Variants in PRRC2A observed in about 807,000 individuals in gnomAD.
The protein encoded by PRRC2A is protein PRRC2A.
In PRRC2A, 59 loss-of-function variants were observed where a neutral mutation model predicts 224.6. The ratio of observed to expected loss-of-function variants is 0.26; its 90% CI spans 0.21 to 0.33. The LOEUF (loss-of-function observed/expected upper bound fraction) is 0.33. Among genes scored for constraint, PRRC2A ranks in the 10% least tolerant of loss-of-function variants. The pLI, the probability that PRRC2A is intolerant of heterozygous loss-of-function variation, is 1.00. For synonymous variants in PRRC2A, 1,194 were observed against 1,109.5 expected (o/e 1.08, Z -1.51); for missense variants, 3,095 against 2,880.7 (o/e 1.07, Z -1.70).
intron 13 of PRRC2A, 78 bp downstream of exon 13, chr6:31,629,412 T>C: frequency 6.6e-7 from 1 of 1,506,028 alleles, no homozygotes; most frequent in Non-Finnish European, 9.0e-7. Flanking sequence ...TAAGTTACCT[T>C]CTGGGTCCCT....
rs1212318218 is a variant in PRRC2A, at chr6:31,629,163, A to G, written c.1785A>G (p.Ser595=). The change falls in exon 13 of 31, where the codon TCA becomes TCG. Residue 595 remains serine (S), a synonymous_variant. Coordinates refer to ENST00000376033, the MANE Select transcript of PRRC2A (RefSeq NM_004638.4). ...ATGCAGTGGAACCACAACTGCCCTC[A>G]AAAGAGGGTCCTGAACCACCAGAAG... The part of the protein sequence containing the change: ...EASPVEPQLP[S]KEGPEPPEEV... The G allele has an allele frequency of 6.2e-7, 1 of 1,614,070 alleles. No homozygotes were observed.
intron 5 of PRRC2A, chr6:31,624,803 C>CTT (rs35868191): frequency 0.011 from 4,902 of 452,628 alleles, no homozygotes; most frequent in East Asian, 0.023. Context: ...GAGCCTTCCA[C>CTT]TTTTTTTTTT....
intron 22 of PRRC2A, 27 bp downstream of exon 22, chr6:31,635,299 C>G: frequency 6.2e-7 from 1 of 1,613,742 alleles, no homozygotes; most frequent in Non-Finnish European, 8.5e-7. Flanking sequence ...TCTGGGTATC[C>G]TGAGTTGGGT....
chr6:31,626,013 T>C lies in PRRC2A; in HGVS notation c.840-7T>C, dbSNP rs1278470901. The C allele has an allele frequency of 3.1e-6, 5 of 1,611,226 alleles. No individual in the cohort carries two copies. The highest frequency in any genetic ancestry group is 1.7e-6 in the Non-Finnish European group (2 of 1,179,252). Reference sequence around the variant, plus strand: ...ATGCCATATTTCATTTTCTTTTTTGTGTACAGCCGTTTTCCCCGTGTGGCG... The same window carrying C: ...ATGCCATATTTCATTTTCTTTTTTGCGTACAGCCGTTTTCCCCGTGTGGCG... On this transcript the variant is annotated splice_region_variant and splice_polypyrimidine_tract_variant and intron_variant, in intron 8 of 30. Transcript: ENST00000376033.
At chr6:31,634,683 T>TA in intron 20 of PRRC2A, 70 bp from the exon 21 acceptor site, 1 of 1,564,878 alleles carries the variant, frequency 6.4e-7, no homozygotes, top group South Asian at 1.1e-5. Flanking sequence ...GCAGTTTGTA[T>TA]GTGTGCATCA....
At chr6:31,633,355 G>T in intron 16 of PRRC2A, 24 bp from the exon 17 acceptor site, 1 of 1,604,412 alleles carries the variant, frequency 6.2e-7, no homozygotes, top group South Asian at 1.1e-5. Flanking sequence ...GTGGATACTG[G>T]AGCTAATGCT....
intron 12 of PRRC2A, among the ~76,000 whole-genome samples, chr6:31,628,471 A>G (rs1232548344): frequency 6.6e-5 from 10 of 152,190 alleles, no homozygotes; most frequent in Non-Finnish European, 1.2e-4. Context: ...GCTCACGCCT[A>G]TAATCCCAAC....
Position 31,623,919 on chromosome 6 carries a change from G to T in PRRC2A, c.290+10G>T. ...AGTCCGACCCCAAGAGGTAGACAGA[G>T]GCTTGGGGGACCTAGAGTGATGGGT... is the stretch of plus-strand genomic sequence containing the variant. On this transcript the variant is annotated intron_variant, in intron 3 of 30. Coordinates refer to ENST00000376033, the MANE Select transcript of PRRC2A (RefSeq NM_004638.4). The T allele has an allele frequency of 6.2e-7, 1 of 1,613,688 alleles. No individual in the cohort carries two copies. The highest frequency in any genetic ancestry group is 8.5e-7 in the Non-Finnish European group (1 of 1,179,680).
rs1583209593 is a variant in PRRC2A at position 31,630,933 on chromosome 6, G to C, written c.2465+132G>C. ...AGGCTGGATGGAGTGGCTCATGCCTGTAATCCCAGCATTTTGGGAGGCTGA... is the reference window on the plus strand; with the variant it reads ...AGGCTGGATGGAGTGGCTCATGCCTCTAATCCCAGCATTTTGGGAGGCTGA... On this transcript the variant is annotated intron_variant, in intron 15 of 30. Coordinates refer to ENST00000376033, the MANE Select transcript of PRRC2A (RefSeq NM_004638.4). 3.8e-6 allele frequency: 5 copies of C among 1,304,258 alleles called. No homozygotes were observed. The East Asian group carries it at 1.3e-4, about 33-fold the overall frequency. 80.8% of individuals were successfully genotyped at this position (1,304,258 alleles called of 1,614,324 possible).
At position 31,629,553 on chromosome 6, in the gene PRRC2A, GCTC is replaced by G. The variant is rs774801384; in HGVS notation, c.1965_1967del (p.Leu656del). Reference sequence around the variant, plus strand: ...TGTCTTTCCTCCTTTCCTAGGAGCAGCTCCTGAAGCAGCAGCAGCAGCACCAGT... The same window carrying G: ...TGTCTTTCCTCCTTTCCTAGGAGCAGCTGAAGCAGCAGCAGCAGCACCAGT... On this transcript the variant is annotated inframe_deletion, in exon 14 of 31. Coordinates refer to ENST00000376033, the MANE Select transcript of PRRC2A (RefSeq NM_004638.4). The G allele has an allele frequency of 3.7e-5, 58 of 1,552,310 alleles. No homozygotes were observed. The highest frequency in any genetic ancestry group is 5.3e-6 in the Non-Finnish European group (6 of 1,125,358).
intron 14 of PRRC2A, 125 bp from the exon 15 acceptor site, chr6:31,630,466 C>A: frequency 1.1e-6 from 1 of 875,362 alleles, no homozygotes; most frequent in Non-Finnish European, 1.8e-6. Flanking sequence ...TAAGAGCAGG[C>A]AAGGCCCGGA....
chr6:31,631,477 G>C lies in PRRC2A; in HGVS notation c.2804G>C (p.Arg935Pro), dbSNP rs376177895. The change falls in exon 16 of 31, where the codon CGT becomes CCT. Residue 935 changes from arginine (R) to proline (P), a missense_variant. Arg to Pro is a moderately radical substitution (Grantham distance 103, BLOSUM62 -2). Around this residue, in one of 8 missense-constraint regions of PRRC2A, gnomAD observed 2,001 missense variants for 1,764.9 expected, o/e 1.13. Transcript: ENST00000376033. This position sits in a 1 kb window ranked among gnomAD's most constrained non-coding sequence, Gnocchi z 4.5. Reference protein sequence around the residue: ...RWGPRPGSSRRGIPPEEPGAP... With the variant: ...RWGPRPGSSRPGIPPEEPGAP... ...GGCCCTCGTCCAGGGAGCAGTCGTC[G>C]TGGAATCCCTCCAGAGGAGCCAGGG... The C allele has an allele frequency of 1.2e-6, 2 of 1,610,148 alleles. No homozygotes were observed. Among genetic ancestry groups the C allele is most frequent in the Non-Finnish European group, 1.7e-6 (2 of 1,178,730 alleles).
At chr6:31,624,803 C>CTG in intron 5 of PRRC2A, 1 of 459,086 alleles carries the variant, frequency 2.2e-6, no homozygotes, top group Non-Finnish European at 3.9e-6. Context: ...GAGCCTTCCA[C>CTG]TTTTTTTTTT....
rs759629882 is a variant in PRRC2A, at chr6:31,637,356, A to G, written c.6333+32A>G. 6 of 1,602,706 alleles carry G rather than the reference A, an allele frequency of 3.7e-6. No homozygotes were observed. In the African/African-American group the frequency reaches 4.0e-5, roughly 11 times the overall value. Reference sequence around the variant, plus strand: ...GAGAAACCCTTGTGGCCCCAACTCTAAATTCGAGTTGCCACCTGATTTCCT... The same window carrying G: ...GAGAAACCCTTGTGGCCCCAACTCTGAATTCGAGTTGCCACCTGATTTCCT... On this transcript the variant is annotated intron_variant, in intron 30 of 30. Coordinates refer to ENST00000376033, the MANE Select transcript of PRRC2A (RefSeq NM_004638.4).
In PRRC2A at chr6:31,631,325, G is replaced by A; in HGVS notation, c.2652G>A (p.Glu884=). 5.0e-6 allele frequency: 8 copies of A among 1,603,010 alleles called. No individual in the cohort carries two copies. Among genetic ancestry groups the A allele is most frequent in the Admixed American group, 1.8e-5 (1 of 57,068 alleles). The change falls in exon 16 of 31, where the codon GAG becomes GAA. Residue 884 remains glutamate, a synonymous_variant. Coordinates refer to ENST00000376033, the MANE Select transcript of PRRC2A (RefSeq NM_004638.4). The surrounding 1 kb of genome is among the most constrained non-coding windows in gnomAD (Gnocchi z 4.5). The stretch of plus-strand genomic sequence containing the variant: ...TACAAACTCCACCACCCAAGAAGGA[G>A]CCCCCTAAGGAGGAGACTGCACAGC... ...AKIQTPPPKK[E]PPKEETAQLT... is the part of the protein sequence containing the mutation.
chr6:31,623,054 G>A, intron 2 of PRRC2A, 153 bp downstream of exon 2: 4 of 786,742 alleles, frequency 5.1e-6, no homozygotes, highest in Non-Finnish European at 6.9e-6. Flanking sequence ...TAAAGGGGGT[G>A]TGGGCTCTGG....
rs543397473 is a variant in PRRC2A, at chr6:31,622,717, T to C, written c.-73T>C. On this transcript the variant is annotated 5_prime_UTR_variant, in exon 2 of 31. Coordinates refer to ENST00000376033, the MANE Select transcript of PRRC2A (RefSeq NM_004638.4). ...GACAGAGACTGAGACACTTGCTGTCTGGCCCACAGGCTCTGGCACGTTTTG... is the reference window on the plus strand; with the variant it reads ...GACAGAGACTGAGACACTTGCTGTCCGGCCCACAGGCTCTGGCACGTTTTG... 6.3e-5 allele frequency: 69 copies of C among 1,094,020 alleles called. No homozygotes were observed. The highest frequency in any genetic ancestry group is 8.1e-5 in the Non-Finnish European group (58 of 719,692). The allele number at this position is 1,094,020 out of a possible 1,614,324, so 67.8% of individuals were successfully genotyped here.
In PRRC2A at chr6:31,635,133, A is replaced by G. The variant is rs765224174; in HGVS notation, c.5162A>G (p.Glu1721Gly). Residue 1721 changes from glutamate (E) to glycine (G), a missense_variant and splice_region_variant, in exon 22 of 31, where the codon GAG (glutamate) becomes GGG (glycine). Glu to Gly is a moderately conservative substitution (Grantham distance 98). Coordinates refer to ENST00000376033, the MANE Select transcript of PRRC2A (RefSeq NM_004638.4). ...PPAPHDGDRKELPREQPLPPG... is the reference protein window; with the variant it reads ...PPAPHDGDRKGLPREQPLPPG... ...CACTTTACTGTGTGCCCAATCCAGG[A>G]GCTGCCCCGGGAGCAGCCTCTGCCC... 8.1e-6 allele frequency: 13 copies of G among 1,613,756 alleles called. No individual in the cohort carries two copies. Among genetic ancestry groups the G allele is most frequent in the Non-Finnish European group, 1.0e-5 (12 of 1,179,886 alleles).
In PRRC2A at chr6:31,632,344, G is replaced by A. The variant is rs1776726685; in HGVS notation, c.3671G>A (p.Gly1224Glu). The A allele has an allele frequency of 1.2e-6, 2 of 1,613,320 alleles. No homozygotes were observed. Among genetic ancestry groups the A allele is most frequent in the African/African-American group, 2.7e-5 (2 of 74,936 alleles). The change falls in exon 16 of 31, where the codon GGA becomes GAA. Residue 1224 changes from glycine (G) to glutamate (E), a missense_variant. Around this residue, in one of 8 missense-constraint regions of PRRC2A, gnomAD observed 2,001 missense variants for 1,764.9 expected, o/e 1.13. Coordinates refer to ENST00000376033, the MANE Select transcript of PRRC2A (RefSeq NM_004638.4). ...GGGCCTCTGTCCCCTGTGGCGCGCG[G>A]AGGCAGCAATGGAGGTAGCAATGTG... ...IPGPLSPVAR[G>E]GSNGGSNVGM... is the part of the protein sequence containing the mutation.
Sources: allele counts gnomAD v4.1 joint callset (sites outside exome capture counted in the v4.1 genomes callset), GRCh38; gene constraint gnomAD v4.1.1; regional missense constraint gnomAD v4.1.1; non-coding constraint Gnocchi (gnomAD v3.1); transcripts MANE v1.5; gene names NCBI Gene and HGNC (gene_info 2026-07-23, HGNC 2026-07-21).